Variants in DENND5B observed in about 807,000 individuals in gnomAD.
The protein encoded by DENND5B is DENN domain containing 5B.
In DENND5B, 34 loss-of-function variants were observed where a neutral mutation model predicts 140.6. That is an observed-to-expected ratio of 0.24 (90% CI 0.18 to 0.32). The LOEUF is 0.32. Among genes scored for constraint, DENND5B ranks in the 10% least tolerant of loss-of-function variants. The pLI is 1.00. For missense variants in DENND5B, 1,142 were observed against 1,560.2 expected, an observed-to-expected ratio of 0.73 and a Z score of 4.52; for synonymous variants, 551 against 562.1, an observed-to-expected ratio of 0.98 and a Z score of 0.28.
chr12:31,457,485 T>C (rs1342461228), intron 4 of DENND5B, among the ~76,000 whole-genome samples: 1 of 152,246 alleles, frequency 6.6e-6, no homozygotes, highest in Non-Finnish European at 1.5e-5. Context: ...TTAGCCATTA[T>C]TTTATTTTAG....
At chr12:31,484,719 TG>T (rs1946219675) in intron 2 of DENND5B, among the ~76,000 whole-genome samples, 1 of 152,088 alleles carries the variant, frequency 6.6e-6, no homozygotes, top group South Asian at 2.1e-4. Context: ...GAGAATTGCT[TG>T]AACCTGGGAG....
chr12:31,537,063 A>G (rs555099939), intron 1 of DENND5B, among the ~76,000 whole-genome samples: 9 of 152,354 alleles, frequency 5.9e-5, no homozygotes, highest in African/African-American at 2.2e-4. Flanking sequence ...GATCTAGCCT[A>G]GAAGAAATGC....
At chr12:31,430,553 C>A (rs1186441697) in intron 8 of DENND5B, among the ~76,000 whole-genome samples, 1 of 148,438 alleles carries the variant, frequency 6.7e-6, no homozygotes, top group Non-Finnish European at 1.5e-5. Flanking sequence ...TGCCTGTAGT[C>A]CCAGCTACTT....
chr12:31,516,987 A>G (rs1947681264), intron 1 of DENND5B, among the ~76,000 whole-genome samples: 1 of 147,856 alleles, frequency 6.8e-6, no homozygotes, highest in African/African-American at 2.5e-5. Flanking sequence ...GTAAAACAGA[A>G]ATAATTAACA....
chr12:31,418,570 A>G (rs906833478), intron 11 of DENND5B, among the ~76,000 whole-genome samples: 1 of 151,574 alleles, frequency 6.6e-6, no homozygotes, highest in African/African-American at 2.4e-5. Context: ...CTGGGATTAT[A>G]GGCATGAGCC....
At chr12:31,467,663 A>G (rs1418026010) in intron 3 of DENND5B, among the ~76,000 whole-genome samples, 1 of 152,166 alleles carries the variant, frequency 6.6e-6, no homozygotes, top group Non-Finnish European at 1.5e-5. Context: ...ATTTAAACAA[A>G]ACCAAGTGTA....
intron 1 of DENND5B, among the ~76,000 whole-genome samples, chr12:31,549,392 A>G (rs1220001590): frequency 6.6e-6 from 1 of 152,182 alleles, no homozygotes; most frequent in Non-Finnish European, 1.5e-5. Flanking sequence ...TACAATTTTT[A>G]AAATTATTCT....
intron 1 of DENND5B, among the ~76,000 whole-genome samples, chr12:31,529,752 AC>A (rs1426677242): frequency 3.3e-5 from 5 of 151,952 alleles, no homozygotes; most frequent in African/African-American, 1.2e-4. Context: ...AAAAAAGAAA[AC>A]ATCCTTTAAA....
At chr12:31,527,116 T>C (rs1216573804) in intron 1 of DENND5B, among the ~76,000 whole-genome samples, 1 of 152,030 alleles carries the variant, frequency 6.6e-6, no homozygotes, top group Non-Finnish European at 1.5e-5. Flanking sequence ...TGGAAAAACA[T>C]GACAGTAAAG....
intron 2 of DENND5B, among the ~76,000 whole-genome samples, chr12:31,484,279 T>C (rs531931068): frequency 2.0e-5 from 3 of 152,176 alleles, no homozygotes; most frequent in African/African-American, 4.8e-5. Flanking sequence ...TCAAGAAGTT[T>C]TGAAAAGGAG....
chr12:31,495,154 C>T (rs1344500955), intron 2 of DENND5B, among the ~76,000 whole-genome samples: 1 of 152,142 alleles, frequency 6.6e-6, no homozygotes, highest in African/African-American at 2.4e-5. Context: ...GAACTGTAAT[C>T]AGGCTCTTTC....
rs553473418 is a variant in DENND5B at position 31,577,572 on chromosome 12, G to A, written c.127+13134C>T. 5.9e-5 allele frequency among the ~76,000 whole-genome samples: 9 copies of A among 151,884 alleles called. No homozygotes were observed. In the South Asian group the frequency reaches 1.7e-3, roughly 28 times the overall value. On this transcript the variant is annotated intron_variant, in intron 1 of 20. Coordinates refer to ENST00000389082, the MANE Select transcript of DENND5B (RefSeq NM_144973.4). ...AAAAAATACAAAAAATTAGCCAGGC[G>A]TGGTGGCGGGCGCCTGTAGTCCCAG...
chr12:31,435,490 T>C lies in DENND5B; in HGVS notation c.2013-2242A>G, dbSNP rs146682021. On this transcript the variant is annotated intron_variant, in intron 7 of 20. Transcript: ENST00000389082. ...GTGGAATCTCTTCAGCTGACAAGCATGTTGGTCTCCCTCGTGGCCCTCTGT... is the reference window on the plus strand; with the variant it reads ...GTGGAATCTCTTCAGCTGACAAGCACGTTGGTCTCCCTCGTGGCCCTCTGT... Among the ~76,000 whole-genome samples, 205 of 152,282 alleles carry C rather than the reference T, an allele frequency of 1.3e-3. 1 individual carries two copies. Among genetic ancestry groups the C allele is most frequent in the African/African-American group, 4.6e-3 (191 of 41,570 alleles).
At chr12:31,468,488 C>T (rs1209713176) in intron 3 of DENND5B, among the ~76,000 whole-genome samples, 1 of 151,706 alleles carries the variant, frequency 6.6e-6, no homozygotes, top group East Asian at 1.9e-4. Context: ...CAGAAGATAC[C>T]AATGAAAGTA....
chr12:31,401,095 G>A (rs1447649464), intron 15 of DENND5B, among the ~76,000 whole-genome samples: 2 of 151,978 alleles, frequency 1.3e-5, no homozygotes, highest in Admixed American at 6.6e-5. Flanking sequence ...CGCCTGCCTC[G>A]GCCTCCCAAA....
chr12:31,469,150 C>T (rs569368417), intron 3 of DENND5B, among the ~76,000 whole-genome samples: 5 of 151,898 alleles, frequency 3.3e-5, no homozygotes, highest in East Asian at 1.9e-4. Context: ...GCCTGGCCAA[C>T]GTGGTGTAAC....
At chr12:31,544,112 T>G (rs1317464727) in intron 1 of DENND5B, among the ~76,000 whole-genome samples, 9 of 152,126 alleles carry the variant, frequency 5.9e-5, no homozygotes, top group Non-Finnish European at 2.9e-5. Context: ...TGCAGTGAGC[T>G]GAGATTGTAC....
chr12:31,445,469 C>G (rs1944234636), intron 6 of DENND5B, among the ~76,000 whole-genome samples: 1 of 152,072 alleles, frequency 6.6e-6, no homozygotes, highest in African/African-American at 2.4e-5. Flanking sequence ...TTTGGGAGGC[C>G]AAGGCAGGTG....
At chr12:31,471,200 G>C (rs900404098) in intron 3 of DENND5B, among the ~76,000 whole-genome samples, 1 of 152,130 alleles carries the variant, frequency 6.6e-6, no homozygotes, top group African/African-American at 2.4e-5. Context: ...AAACCGCCTG[G>C]GCATTTCCTC....
Sources: gnomAD v4.1 joint callset for allele counts (sites outside exome capture counted in the v4.1 genomes callset) on GRCh38, gnomAD v4.1.1 for gene constraint, MANE v1.5 for transcripts, NCBI Gene and HGNC (gene_info 2026-07-23, HGNC 2026-07-21) for gene names.